The following NLGN1 variants were observed in gnomAD, a reference collection of about 807,000 sequenced individuals.
NLGN1 encodes neuroligin-1.
A neutral mutation model predicts 65.5 loss-of-function variants in NLGN1; 12 were observed. The ratio of observed to expected loss-of-function variants is 0.18; its 90% CI spans 0.12 to 0.30. NLGN1 has a LOEUF of 0.30. Among genes scored for constraint, NLGN1 ranks in the 10% least tolerant of loss-of-function variants. The pLI is 1.00. For synonymous variants in NLGN1, 350 were observed against 359.5 expected (o/e 0.97, Z 0.30); for missense variants, 750 against 1,007.1 (o/e 0.74, Z 3.46).
At chr3:173,419,154 C>T (rs1383809172) in intron 1 of NLGN1, among the ~76,000 whole-genome samples, 11 of 146,114 alleles carry the variant, frequency 7.5e-5, no homozygotes, top group Non-Finnish European at 1.3e-4. Flanking sequence ...GGTTTACTTT[C>T]GATAAAACCT....
intron 4 of NLGN1, among the ~76,000 whole-genome samples, chr3:174,228,640 C>A (rs9859688): frequency 6.6e-6 from 1 of 152,012 alleles, no homozygotes; most frequent in African/African-American, 2.4e-5. Flanking sequence ...AATAAAATTC[C>A]ATTTGCGCTT....
chr3:174,086,563 C>G (rs955402655), intron 4 of NLGN1, among the ~76,000 whole-genome samples: 1 of 151,236 alleles, frequency 6.6e-6, no homozygotes, highest in Non-Finnish European at 1.5e-5. Flanking sequence ...AGTTTTATAA[C>G]TCAGTATAAG....
At chr3:173,944,290 A>G (rs972955422) in intron 4 of NLGN1, among the ~76,000 whole-genome samples, 9 of 152,230 alleles carry the variant, frequency 5.9e-5, no homozygotes, top group Non-Finnish European at 1.2e-4. Context: ...CTATTTAAGA[A>G]TGAATCACAA....
At chr3:173,826,893 A>G (rs1256627101) in intron 4 of NLGN1, among the ~76,000 whole-genome samples, 3 of 152,110 alleles carry the variant, frequency 2.0e-5, no homozygotes, top group African/African-American at 4.8e-5. Flanking sequence ...TGCAGTGATT[A>G]TATTTTAGAT....
chr3:173,892,256 T>G (rs1735487944), intron 4 of NLGN1, among the ~76,000 whole-genome samples: 1 of 151,828 alleles, frequency 6.6e-6, no homozygotes, highest in South Asian at 2.1e-4. Context: ...TGTGAAAACT[T>G]ATTACTTTAT....
chr3:174,272,708 T>TATAG (rs1468003641), intron 4 of NLGN1, among the ~76,000 whole-genome samples: 10 of 143,328 alleles, frequency 7.0e-5, no homozygotes, highest in South Asian at 2.3e-4. Flanking sequence ...GATAGATAGA[T>TATAG]ATAGATAGAT....
intron 4 of NLGN1, among the ~76,000 whole-genome samples, chr3:173,861,846 C>T (rs1358135336): frequency 2.0e-5 from 3 of 150,908 alleles, no homozygotes; most frequent in African/African-American, 7.3e-5. Context: ...GCAGCCTCCA[C>T]CTCCTGGGTT....
At chr3:173,693,717 A>G (rs1199086483) in intron 3 of NLGN1, among the ~76,000 whole-genome samples, 1 of 152,096 alleles carries the variant, frequency 6.6e-6, no homozygotes. Flanking sequence ...AATGAACAAA[A>G]AAACAGGAAA....
intron 4 of NLGN1, among the ~76,000 whole-genome samples, chr3:174,197,265 G>C (rs1028027313): frequency 6.6e-6 from 1 of 151,968 alleles, no homozygotes; most frequent in South Asian, 2.1e-4. Flanking sequence ...TAAGCAAAAG[G>C]AAATGTTTTG....
chr3:173,982,071 C>T (rs1268956316), intron 4 of NLGN1, among the ~76,000 whole-genome samples: 3 of 152,006 alleles, frequency 2.0e-5, no homozygotes, highest in Non-Finnish European at 4.4e-5. Context: ...AATTTATGAG[C>T]AAGGAAACTA....
intron 4 of NLGN1, among the ~76,000 whole-genome samples, chr3:173,842,671 C>T (rs180830878): frequency 2.0e-4 from 31 of 152,316 alleles, no homozygotes; most frequent in Admixed American, 5.2e-4. Flanking sequence ...ATCCAGGTCA[C>T]GCTGATGCAA....
At chr3:173,691,437 G>C (rs1038183398) in intron 3 of NLGN1, among the ~76,000 whole-genome samples, 1 of 151,916 alleles carries the variant, frequency 6.6e-6, no homozygotes, top group Admixed American at 6.6e-5. Context: ...ATACAGTTTT[G>C]TTCAGTAGCT....
At chr3:173,580,894 T>C (rs1487017749) in intron 2 of NLGN1, among the ~76,000 whole-genome samples, 1 of 140,224 alleles carries the variant, frequency 7.1e-6, no homozygotes, top group East Asian at 2.4e-4. Context: ...GGATTTGTGG[T>C]AGTTGGCTGT....
chr3:173,862,225 A>G (rs891792999), intron 4 of NLGN1, among the ~76,000 whole-genome samples: 1 of 152,052 alleles, frequency 6.6e-6, no homozygotes, highest in Non-Finnish European at 1.5e-5. Context: ...GAGGACTACA[A>G]TATATTAATA....
intron 1 of NLGN1, among the ~76,000 whole-genome samples, chr3:173,425,723 T>C (rs903185379): frequency 3.9e-5 from 6 of 152,222 alleles, no homozygotes; most frequent in Admixed American, 2.6e-4. Flanking sequence ...CATGCTGTTT[T>C]AGTTACTATA....
intron 1 of NLGN1, among the ~76,000 whole-genome samples, chr3:173,429,838 G>A (rs780027806): frequency 2.0e-5 from 3 of 152,144 alleles, no homozygotes; most frequent in Non-Finnish European, 4.4e-5. Flanking sequence ...GTGGCTAAGG[G>A]TTATGCCCAC....
intron 2 of NLGN1, among the ~76,000 whole-genome samples, chr3:173,487,226 A>G (rs1254659126): frequency 6.6e-6 from 1 of 152,028 alleles, no homozygotes; most frequent in African/African-American, 2.4e-5. Flanking sequence ...CACGTCAAAC[A>G]TGTATATTTA....
chr3:174,095,132 C>A (rs917702817), intron 4 of NLGN1, among the ~76,000 whole-genome samples: 1 of 151,456 alleles, frequency 6.6e-6, no homozygotes, highest in Admixed American at 6.6e-5. Context: ...TTATAGTCAT[C>A]ATGACTGGCA....
intron 4 of NLGN1, among the ~76,000 whole-genome samples, chr3:174,164,683 A>G (rs1476357935): frequency 6.6e-6 from 1 of 151,958 alleles, no homozygotes; most frequent in East Asian, 1.9e-4. Context: ...GTGTGGTTTT[A>G]CTTCTGGGTT....
Sources: allele counts gnomAD v4.1 joint callset (sites outside exome capture counted in the v4.1 genomes callset), GRCh38; gene constraint gnomAD v4.1.1; transcripts MANE v1.5; gene names NCBI Gene and HGNC (gene_info 2026-07-23, HGNC 2026-07-21).